ARMH3: variants seen among roughly 807,000 people sequenced by gnomAD.
The protein encoded by ARMH3 is armadillo-like helical domain-containing protein 3.
In ARMH3, 60 loss-of-function variants were observed where a neutral mutation model predicts 99.1. The ratio of observed to expected loss-of-function variants is 0.61; its 90% CI spans 0.49 to 0.75. The LOEUF is 0.75. Among genes scored for constraint, ARMH3 ranks in the 30% least tolerant of loss-of-function variants. The pLI is 0.00. For missense variants in ARMH3, 679 were observed against 843.1 expected (o/e 0.81, Z 2.41); for synonymous variants, 285 against 292.8 (o/e 0.97, Z 0.27).
chr10:102,002,591 T>C (rs964821152), intron 14 of ARMH3, among the ~76,000 whole-genome samples: 1 of 152,000 alleles, frequency 6.6e-6, no homozygotes, highest in Non-Finnish European at 1.5e-5. Context: ...GGCAGAACTA[T>C]ATTCAAATTC....
intron 5 of ARMH3, among the ~76,000 whole-genome samples, chr10:102,026,349 G>C (rs999709116): frequency 9.2e-5 from 14 of 152,164 alleles, no homozygotes; most frequent in African/African-American, 3.4e-4. Context: ...AAAAAACTCA[G>C]ACCATGACCC....
intron 20 of ARMH3, among the ~76,000 whole-genome samples, chr10:101,970,544 G>A (rs1447885920): frequency 6.6e-6 from 1 of 152,072 alleles, no homozygotes; most frequent in Admixed American, 6.6e-5. Flanking sequence ...TAAGTAGGCC[G>A]GGTGCTGTGG....
At chr10:101,888,546 A>C (rs1004786211) in intron 24 of ARMH3, among the ~76,000 whole-genome samples, 1 of 152,226 alleles carries the variant, frequency 6.6e-6, no homozygotes. Flanking sequence ...ACATGGTCAA[A>C]TCATAGCTGG....
At chr10:101,997,474 T>C (rs1413888235) in intron 15 of ARMH3, among the ~76,000 whole-genome samples, 22 of 144,902 alleles carry the variant, frequency 1.5e-4, no homozygotes, top group African/African-American at 2.9e-4. Flanking sequence ...AGCCTGTAAT[T>C]CCAGCTACTC....
chr10:102,005,909 G>C (rs1357531635), intron 14 of ARMH3, among the ~76,000 whole-genome samples: 1 of 152,172 alleles, frequency 6.6e-6, no homozygotes, highest in Non-Finnish European at 1.5e-5. Flanking sequence ...CTTTCCAACT[G>C]GGAGTGGCTG....
At chr10:101,894,237 G>A (rs956960665) in intron 23 of ARMH3, among the ~76,000 whole-genome samples, 5 of 152,100 alleles carry the variant, frequency 3.3e-5, no homozygotes, top group Admixed American at 6.6e-5. Context: ...GAGGGTATTC[G>A]CCCTAAGCAG....
At position 101,847,396 on chromosome 10, in the gene ARMH3, G is replaced by C; in HGVS notation, c.*132C>G. The C allele has an allele frequency of 1.1e-6, 1 of 873,326 alleles. No homozygotes were observed. The highest frequency in any genetic ancestry group is 2.0e-5 in the Admixed American group (1 of 48,940). The allele number at this position is 873,326 out of a possible 1,614,324, so 54.1% of individuals were successfully genotyped here. ...GCTGCCCAAGCTCCATTGAAGTGCG[G>C]TCTTCACCAAGAGAACTTGGTATCT... On this transcript the variant is annotated 3_prime_UTR_variant, in exon 26 of 26. Transcript: ENST00000370033.
At chr10:101,946,674 T>C (rs374742997) in intron 22 of ARMH3, among the ~76,000 whole-genome samples, 3 of 151,726 alleles carry the variant, frequency 2.0e-5, no homozygotes, top group Admixed American at 6.6e-5. Context: ...TGGGACAATA[T>C]GGAAAAGTCT....
chr10:101,908,868 G>A (rs1310483119), intron 23 of ARMH3, among the ~76,000 whole-genome samples: 1 of 151,634 alleles, frequency 6.6e-6, no homozygotes, highest in East Asian at 1.9e-4. Context: ...TCACTGCATT[G>A]CCCAGGCTGG....
chr10:102,025,323 T>TTC, intron 5 of ARMH3, 75 bp from the exon 6 acceptor site: 4 of 1,181,372 alleles, frequency 3.4e-6, no homozygotes, highest in Non-Finnish European at 5.0e-6. Context: ...GGTTATGTTA[T>TTC]ACAGGGTAAT....
intron 22 of ARMH3, among the ~76,000 whole-genome samples, chr10:101,947,848 AG>A (rs1844615010): frequency 6.6e-6 from 1 of 151,628 alleles, no homozygotes; most frequent in Admixed American, 6.6e-5. Context: ...GACCCTATAT[AG>A]TAGCAAAGTT....
chr10:101,902,975 A>G (rs2068017525), intron 23 of ARMH3, among the ~76,000 whole-genome samples: 1 of 152,178 alleles, frequency 6.6e-6, no homozygotes, highest in African/African-American at 2.4e-5. Flanking sequence ...GATTGTCTCC[A>G]CAGGAGGCTG....
intron 24 of ARMH3, among the ~76,000 whole-genome samples, chr10:101,870,259 C>T (rs1200816324): frequency 6.6e-6 from 1 of 152,122 alleles, no homozygotes; most frequent in Non-Finnish European, 1.5e-5. Context: ...ATTCAACAAC[C>T]TACATAAATG....
At chr10:101,855,841 T>C (rs1054479737) in intron 24 of ARMH3, among the ~76,000 whole-genome samples, 3 of 151,220 alleles carry the variant, frequency 2.0e-5, no homozygotes, top group Non-Finnish European at 4.4e-5. Context: ...AGCTAGTTCA[T>C]GGCCCTTATT....
chr10:101,975,921 G>A (rs1338809280), intron 19 of ARMH3, among the ~76,000 whole-genome samples: 6 of 151,272 alleles, frequency 4.0e-5, no homozygotes, highest in African/African-American at 7.3e-5. Context: ...TTAGGAGGCC[G>A]AGGCGGGCAG....
chr10:102,043,286 C>T (rs937979597), intron 1 of ARMH3, among the ~76,000 whole-genome samples: 8 of 152,218 alleles, frequency 5.3e-5, no homozygotes, highest in Admixed American at 5.2e-4. Context: ...TCCCAACCAA[C>T]TCGGTGACAT....
At chr10:102,017,366 C>T (rs1272196668) in intron 8 of ARMH3, among the ~76,000 whole-genome samples, 1 of 152,038 alleles carries the variant, frequency 6.6e-6, no homozygotes, top group Non-Finnish European at 1.5e-5. Flanking sequence ...TTCTGAAAGA[C>T]TAGAGATGCA....
chr10:101,883,926 G>A (rs569708416), intron 24 of ARMH3, among the ~76,000 whole-genome samples: 6 of 152,008 alleles, frequency 3.9e-5, no homozygotes, highest in Admixed American at 1.3e-4. Context: ...CCAGGAGGTC[G>A]AGGCTGTAGT....
At chr10:102,007,669 A>T (rs2136093323) in intron 13 of ARMH3, among the ~76,000 whole-genome samples, 1 of 149,012 alleles carries the variant, frequency 6.7e-6, no homozygotes, top group East Asian at 1.9e-4. Flanking sequence ...AAAAAAAAAA[A>T]AAAAAAAAAA....
Sources: allele counts gnomAD v4.1 joint callset (sites outside exome capture counted in the v4.1 genomes callset), GRCh38; gene constraint gnomAD v4.1.1; transcripts MANE v1.5; gene names NCBI Gene and HGNC (gene_info 2026-07-23, HGNC 2026-07-21).